PJVK: variants seen among roughly 807,000 people sequenced by gnomAD.
PJVK encodes pejvakin.
In PJVK, 33 loss-of-function variants were observed where a neutral mutation model predicts 37.6. The ratio of observed to expected loss-of-function variants is 0.88; its 90% CI spans 0.67 to 1.17. PJVK has a LOEUF of 1.17. Ranked by LOEUF, PJVK falls within the 50% of genes most tolerant of loss-of-function variation. The pLI is 0.00. For synonymous variants in PJVK, 141 were observed against 143.5 expected (o/e 0.98, Z 0.13); for missense variants, 410 against 413.8 (o/e 0.99, Z 0.08).
chr2:178,459,202 G>T (rs1280708799), intron 5 of PJVK: 1 of 472,174 alleles, frequency 2.1e-6, no homozygotes, highest in Non-Finnish European at 4.4e-6. Flanking sequence ...GGTCTTTAAG[G>T]TCTGTTGGCC....
Position 178,454,374 on chromosome 2 carries a change from A to C in PJVK, c.254A>C (p.Asp85Ala). Reference sequence around the variant, plus strand: ...TTACTGAATTATGAAGATGAATCAGATGTTTCACTCTATGGAAGGCGAGGT... The same window carrying C: ...TTACTGAATTATGAAGATGAATCAGCTGTTTCACTCTATGGAAGGCGAGGT... ...YQLLNYEDESDVSLYGRRGNH... is the reference protein window; with the variant it reads ...YQLLNYEDESAVSLYGRRGNH... The change falls in exon 3 of 7, where the codon GAT becomes GCT. Residue 85 changes from aspartate (D) to alanine (A), a missense_variant. Transcript: ENST00000644580. 1 of 1,613,776 alleles carries C rather than the reference A, an allele frequency of 6.2e-7. No individual in the cohort carries two copies.
chr2:178,454,530 C>T lies in PJVK; in HGVS notation c.407+3C>T. ...TTACTCAAAGAAATTACTACACGGT[C>T]AGTATAATAATCCTAATATATTTCA... On this transcript the variant is annotated splice_donor_region_variant and intron_variant, in intron 3 of 6. Transcript: ENST00000644580. 1.2e-6 allele frequency: 2 copies of T among 1,611,792 alleles called. No individual in the cohort carries two copies. The highest frequency in any genetic ancestry group is 1.7e-6 in the Non-Finnish European group (2 of 1,178,712).
chr2:178,452,336 A>G (rs567633244), intron 1 of PJVK: 2 of 983,758 alleles, frequency 2.0e-6, no homozygotes, highest in Non-Finnish European at 2.4e-6. Context: ...TTTTGTTAGC[A>G]TGTAAGCCCT....
At position 178,454,404 on chromosome 2, in the gene PJVK, A is replaced by G. The variant is rs916960879; in HGVS notation, c.284A>G (p.His95Arg). ...DVSLYGRRGN[H>R]IVNDVGINVA... ...TCACTCTATGGAAGGCGAGGTAACC[A>G]TATTGTAAATGACGTTGGGATTAAC... Residue 95 changes from histidine to arginine, a missense_variant, in exon 3 of 7, where the codon CAT becomes CGT. By Grantham distance (29) the His-to-Arg change is conservative. Coordinates refer to ENST00000644580, the MANE Select transcript of PJVK (RefSeq NM_001042702.5). 6.2e-6 allele frequency: 10 copies of G among 1,614,034 alleles called. No individual in the cohort carries two copies. The highest frequency in any genetic ancestry group is 3.3e-5 in the Admixed American group (2 of 60,018).
At chr2:178,452,741 A>T in intron 1 of PJVK, 2 of 440,016 alleles carry the variant, frequency 4.5e-6, no homozygotes, top group South Asian at 9.7e-5. Context: ...CCACTAGGTA[A>T]TAGTTTATAT....
At position 178,461,048 on chromosome 2, in the gene PJVK, A is replaced by C. The variant is rs773051843; in HGVS notation, c.833A>C (p.Tyr278Ser). The C allele has an allele frequency of 1.2e-6, 2 of 1,613,914 alleles. No homozygotes were observed. The highest frequency in any genetic ancestry group is 2.7e-5 in the African/African-American group (2 of 74,866). Residue 278 changes from tyrosine to serine, a missense_variant, in exon 7 of 7, where the codon TAT (tyrosine) becomes TCT (serine). By Grantham distance (144) the Tyr-to-Ser change is moderately radical. Coordinates refer to ENST00000644580, the MANE Select transcript of PJVK (RefSeq NM_001042702.5). ...LYLDDLFSDY[Y>S]DKPLSMTDIS... ...TTGGATGATCTTTTTTCTGACTACTATGACAAACCTCTCAGCATGACTGAT... is the reference window on the plus strand; with the variant it reads ...TTGGATGATCTTTTTTCTGACTACTCTGACAAACCTCTCAGCATGACTGAT...
chr2:178,454,868 G>A (rs1683926066), intron 3 of PJVK: 4 of 999,858 alleles, frequency 4.0e-6, no homozygotes, highest in Non-Finnish European at 6.4e-6. Context: ...AGAAGACTGA[G>A]GAAGATGAGG....
At chr2:178,454,583 T>C in intron 3 of PJVK, 56 bp downstream of exon 3, 1 of 1,540,888 alleles carries the variant, frequency 6.5e-7, no homozygotes, top group Non-Finnish European at 8.9e-7. Flanking sequence ...TTTAGGTATA[T>C]AAACTTCATT....
rs764915480 is a variant in PJVK, at chr2:178,461,047, T to G, written c.832T>G (p.Tyr278Asp). The G allele has an allele frequency of 6.2e-7, 1 of 1,614,118 alleles. No homozygotes were observed. The highest frequency in any genetic ancestry group is 1.7e-5 in the Admixed American group (1 of 60,018). ...LYLDDLFSDY[Y>D]DKPLSMTDIS... ...CTTGGATGATCTTTTTTCTGACTACTATGACAAACCTCTCAGCATGACTGA... is the reference window on the plus strand; with the variant it reads ...CTTGGATGATCTTTTTTCTGACTACGATGACAAACCTCTCAGCATGACTGA... Residue 278 changes from tyrosine to aspartate, a missense_variant, in exon 7 of 7, where the codon TAT (tyrosine) becomes GAT (aspartate). Tyr to Asp is a radical substitution (Grantham distance 160). Coordinates refer to ENST00000644580, the MANE Select transcript of PJVK (RefSeq NM_001042702.5).
At chr2:178,453,111 A>G in intron 1 of PJVK, 1 of 368,356 alleles carries the variant, frequency 2.7e-6, no homozygotes, top group Non-Finnish European at 5.2e-6. Context: ...TATCATAGAC[A>G]TTGGTCATAT....
chr2:178,461,325 A>C lies in PJVK; in HGVS notation c.*51A>C. On this transcript the variant is annotated 3_prime_UTR_variant, in exon 7 of 7. Transcript: ENST00000644580. Reference sequence around the variant, plus strand: ...GTGTTTTAGGTGCAGTTGTGCCACAAACCTTCCCTAAATTATCTAGGTTTG... The same window carrying C: ...GTGTTTTAGGTGCAGTTGTGCCACACACCTTCCCTAAATTATCTAGGTTTG... The C allele has an allele frequency of 6.3e-7, 1 of 1,597,498 alleles. No individual in the cohort carries two copies. The highest frequency in any genetic ancestry group is 8.6e-7 in the Non-Finnish European group (1 of 1,168,708).
Position 178,459,073 on chromosome 2 carries a change from C to A in PJVK, c.667+446C>A, listed in dbSNP as rs1684319126. The A allele has an allele frequency of 6.7e-6, 3 of 448,842 alleles. No individual in the cohort carries two copies. In the Admixed American group the frequency reaches 7.4e-5, roughly 11 times the overall value. The allele number at this position is 448,842 out of a possible 1,614,324, so 27.8% of individuals were successfully genotyped here. ...TTACTTCAGTTTTACTTATCATAGA[C>A]CCAGCTTCCCCTTGCACTCTTCCTA... On this transcript the variant is annotated intron_variant, in intron 5 of 6. Transcript: ENST00000644580.
rs1234979168 is a variant in PJVK at position 178,453,628 on chromosome 2, T to C, written c.211+8T>C. 1 of 1,606,468 alleles carries C rather than the reference T, an allele frequency of 6.2e-7. No homozygotes were observed. Among genetic ancestry groups the C allele is most frequent in the Non-Finnish European group, 8.5e-7 (1 of 1,175,040 alleles). On this transcript the variant is annotated splice_region_variant and intron_variant, in intron 2 of 6. Coordinates refer to ENST00000644580, the MANE Select transcript of PJVK (RefSeq NM_001042702.5). ...ACAGAGAAATTTCAGCTGGTAAGTT[T>C]AAATGTTTGGGAGTGCCAACTCATT...
chr2:178,460,405 T>C lies in PJVK; in HGVS notation c.725T>C (p.Phe242Ser). ...TTTGAAAGGGAAGAAACGGCAACATTTGCACTGCTGTACAGGTTGAGAAAT... is the reference window on the plus strand; with the variant it reads ...TTTGAAAGGGAAGAAACGGCAACATCTGCACTGCTGTACAGGTTGAGAAAT... Reference protein sequence around the residue: ...GGFEREETATFALLYRLRNIL... With the variant: ...GGFEREETATSALLYRLRNIL... Residue 242 changes from phenylalanine to serine, a missense_variant, in exon 6 of 7, where the codon TTT (phenylalanine) becomes TCT (serine). Coordinates refer to ENST00000644580, the MANE Select transcript of PJVK (RefSeq NM_001042702.5). 1 of 1,614,134 alleles carries C rather than the reference T, an allele frequency of 6.2e-7. No homozygotes were observed. The highest frequency in any genetic ancestry group is 8.5e-7 in the Non-Finnish European group (1 of 1,180,004).
At chr2:178,451,930 T>C (rs1697695037) in intron 1 of PJVK, 161 bp downstream of exon 1, 1 of 743,084 alleles carries the variant, frequency 1.3e-6, no homozygotes, top group Non-Finnish European at 1.6e-6. Flanking sequence ...GCAGAAATGC[T>C]CCCCTGTGCT....
rs1684414519 is a variant in PJVK, at chr2:178,460,453, T to G, written c.766+7T>G. On this transcript the variant is annotated splice_region_variant and intron_variant, in intron 6 of 6. Transcript: ENST00000644580. ...AATATCCTATTTGAAAGAAGTATGT[T>G]TATTGAAGAGTACTGTGAATGTCTT... is the stretch of plus-strand genomic sequence containing the variant. 3 of 1,611,256 alleles carry G rather than the reference T, an allele frequency of 1.9e-6. No individual in the cohort carries two copies. The highest frequency in any genetic ancestry group is 2.5e-6 in the Non-Finnish European group (3 of 1,177,424).
At position 178,454,485 on chromosome 2, in the gene PJVK, A is replaced by G. The variant is rs1376875375; in HGVS notation, c.365A>G (p.His122Arg). The G allele has an allele frequency of 6.2e-7, 1 of 1,613,806 alleles. No homozygotes were observed. The highest frequency in any genetic ancestry group is 1.3e-5 in the African/African-American group (1 of 74,922). The change falls in exon 3 of 7, where the codon CAT (histidine) becomes CGT (arginine). Residue 122 changes from histidine to arginine, a missense_variant. His to Arg is a conservative substitution (Grantham distance 29). Transcript: ENST00000644580. The part of the protein sequence containing the change: ...VKASFGIVTK[H>R]EVEVSTLLKE... The stretch of plus-strand genomic sequence containing the variant: ...GCTTCATTTGGTATAGTAACCAAAC[A>G]TGAAGTGGAAGTATCAACATTACTC...
chr2:178,458,360 T>TA (rs1684261015), intron 4 of PJVK, 150 bp from the exon 5 acceptor site: 4 of 608,380 alleles, frequency 6.6e-6, no homozygotes, highest in Non-Finnish European at 8.5e-6. Context: ...ATCTCTGCTA[T>TA]AAAAAATGGT....
chr2:178,460,928 T>C (rs1489844971), intron 6 of PJVK, 54 bp from the exon 7 acceptor site: 1 of 1,533,106 alleles, frequency 6.5e-7, no homozygotes, highest in East Asian at 2.2e-5. Flanking sequence ...GTTTGCATTA[T>C]GTATTTTTCA....
Sources: gnomAD v4.1 joint callset for allele counts on GRCh38, gnomAD v4.1.1 for gene constraint, MANE v1.5 for transcripts, NCBI Gene and HGNC (gene_info 2026-07-23, HGNC 2026-07-21) for gene names.